The following RALYL variants were observed in gnomAD, a reference collection of about 807,000 sequenced individuals.
RALYL encodes the protein RNA-binding Raly-like protein.
RALYL carries 29 observed loss-of-function variants against 35.1 expected under a neutral mutation model. That is an observed-to-expected ratio of 0.83 (90% CI 0.61 to 1.13). The LOEUF is 1.13. Among genes scored for constraint, RALYL ranks in the 50% most tolerant of loss-of-function variants. The probability of loss-of-function intolerance (pLI) is 0.00; values close to 1 mark genes in which losing one functional copy is unlikely to be tolerated. For missense variants in RALYL, 359 were observed against 360.4 expected, an observed-to-expected ratio of 1.00 and a Z score of 0.03; for synonymous variants, 120 against 127.6, an observed-to-expected ratio of 0.94 and a Z score of 0.40.
At chr8:84,722,543 G>A (rs2132659067) in intron 2 of RALYL, among the ~76,000 whole-genome samples, 1 of 148,648 alleles carries the variant, frequency 6.7e-6, no homozygotes, top group South Asian at 2.1e-4. Flanking sequence ...GGATGAAAGA[G>A]GGAAACAGGT....
intron 2 of RALYL, among the ~76,000 whole-genome samples, chr8:84,761,542 C>T (rs757661641): frequency 5.3e-5 from 8 of 151,858 alleles, no homozygotes; most frequent in African/African-American, 1.2e-4. Context: ...AATTTTAATG[C>T]CCCCTTTAAC....
intron 1 of RALYL, among the ~76,000 whole-genome samples, chr8:84,479,079 C>G (rs2053767999): frequency 1.3e-5 from 1 of 77,198 alleles, no homozygotes; most frequent in South Asian, 5.0e-4. Flanking sequence ...GAGCAAGACT[C>G]CGTCTCAAAA....
chr8:84,873,756 TAATTA>T (rs1371928779), intron 7 of RALYL, among the ~76,000 whole-genome samples: 3 of 152,162 alleles, frequency 2.0e-5, no homozygotes, highest in Non-Finnish European at 4.4e-5. Context: ...TATTCATATA[TAATTA>T]AATTAACTGC....
intron 2 of RALYL, among the ~76,000 whole-genome samples, chr8:84,742,611 A>G (rs913127957): frequency 2.6e-5 from 4 of 152,162 alleles, no homozygotes; most frequent in Admixed American, 2.6e-4. Context: ...GTAAGCAAGA[A>G]TCAGAGGAAA....
chr8:84,236,238 A>C (rs1386065362), intron 1 of RALYL, among the ~76,000 whole-genome samples: 3 of 152,218 alleles, frequency 2.0e-5, no homozygotes, highest in African/African-American at 7.2e-5. Flanking sequence ...ATTTATCAAC[A>C]AGTTTTTGCA....
At chr8:84,201,076 G>A (rs932054206) in intron 1 of RALYL, among the ~76,000 whole-genome samples, 5 of 152,102 alleles carry the variant, frequency 3.3e-5, no homozygotes, top group African/African-American at 1.2e-4. Context: ...AAAGTTCAGG[G>A]TTAAGATAGT....
rs922598369 is a variant in RALYL at position 84,792,238 on chromosome 8, G to A, written c.333-12532G>A. 3.9e-5 allele frequency among the ~76,000 whole-genome samples: 6 copies of A among 152,306 alleles called. 1 individual carries two copies. Among genetic ancestry groups the A allele is most frequent in the South Asian group, 2.1e-4 (1 of 4,830 alleles). On this transcript the variant is annotated intron_variant, in intron 3 of 8. Transcript: ENST00000521268. ...ACACACAGACTTGAAAGATGAATGC[G>A]GGGTTTTGTTGAGTCCTGGAGGTGG...
chr8:84,756,196 T>A (rs1563531722), intron 2 of RALYL, among the ~76,000 whole-genome samples: 1 of 152,056 alleles, frequency 6.6e-6, no homozygotes, highest in African/African-American at 2.4e-5. Flanking sequence ...ATTTGAAATA[T>A]AGAGTGATAA....
chr8:84,592,927 G>A (rs755232204), intron 2 of RALYL, among the ~76,000 whole-genome samples: 12 of 152,072 alleles, frequency 7.9e-5, no homozygotes, highest in Non-Finnish European at 1.8e-4. Context: ...TTAGCTTGAA[G>A]GTTGTTTGAG....
intron 2 of RALYL, among the ~76,000 whole-genome samples, chr8:84,611,659 G>C (rs1818335318): frequency 6.6e-6 from 1 of 152,068 alleles, no homozygotes; most frequent in South Asian, 2.1e-4. Flanking sequence ...AAGGTTAATT[G>C]AATGAATTCA....
chr8:84,278,504 C>T (rs1294951108), intron 1 of RALYL, among the ~76,000 whole-genome samples: 1 of 152,202 alleles, frequency 6.6e-6, no homozygotes, highest in Admixed American at 6.5e-5. Context: ...GCTTGAATTT[C>T]TCCCTAGAAA....
intron 1 of RALYL, among the ~76,000 whole-genome samples, chr8:84,517,352 T>C (rs1432709558): frequency 2.0e-5 from 3 of 152,180 alleles, no homozygotes; most frequent in African/African-American, 7.2e-5. Context: ...TAGGTCATAA[T>C]ACTGAAGGAA....
intron 1 of RALYL, among the ~76,000 whole-genome samples, chr8:84,261,855 A>C (rs1036586107): frequency 3.3e-5 from 5 of 152,022 alleles, no homozygotes; most frequent in Non-Finnish European, 7.4e-5. Context: ...TATCTTAAAA[A>C]CTTTAAGCTG....
intron 1 of RALYL, among the ~76,000 whole-genome samples, chr8:84,190,235 ACAT>A (rs1255616738): frequency 6.6e-6 from 1 of 152,200 alleles, no homozygotes; most frequent in Non-Finnish European, 1.5e-5. Context: ...CTCACCATCA[ACAT>A]CATAACACCT....
chr8:84,258,643 A>T (rs544297570), intron 1 of RALYL, among the ~76,000 whole-genome samples: 1 of 152,290 alleles, frequency 6.6e-6, no homozygotes, highest in South Asian at 2.1e-4. Context: ...CAGTCAGAGA[A>T]ATTACAGTAG....
At chr8:84,507,233 A>T (rs1190556678) in intron 1 of RALYL, among the ~76,000 whole-genome samples, 1 of 152,088 alleles carries the variant, frequency 6.6e-6, no homozygotes, top group African/African-American at 2.4e-5. Context: ...TTTGTGCATA[A>T]GTTTCTCTTT....
intron 1 of RALYL, among the ~76,000 whole-genome samples, chr8:84,520,068 T>G (rs912800979): frequency 1.3e-5 from 2 of 152,204 alleles, no homozygotes; most frequent in Non-Finnish European, 2.9e-5. Context: ...TTTCTCAAGA[T>G]CCTTATATCA....
At chr8:84,514,194 T>A (rs1318876759) in intron 1 of RALYL, among the ~76,000 whole-genome samples, 1 of 151,312 alleles carries the variant, frequency 6.6e-6, no homozygotes, top group Non-Finnish European at 1.5e-5. Flanking sequence ...TGACTCACTT[T>A]AGCTTTACAA....
chr8:84,743,911 A>C (rs1807990904), intron 2 of RALYL, among the ~76,000 whole-genome samples: 1 of 152,060 alleles, frequency 6.6e-6, no homozygotes, highest in Non-Finnish European at 1.5e-5. Context: ...GACAGAAAGC[A>C]GAATGCTGGT....
Sources: allele counts gnomAD v4.1 joint callset (sites outside exome capture counted in the v4.1 genomes callset), GRCh38; gene constraint gnomAD v4.1.1; transcripts MANE v1.5; gene names NCBI Gene and HGNC (gene_info 2026-07-23, HGNC 2026-07-21).